MARS1: variants seen among roughly 807,000 people sequenced by gnomAD.
MARS1 encodes the protein methionine--tRNA ligase, cytoplasmic.
In MARS1, 80 loss-of-function variants were observed where a neutral mutation model predicts 119.5. That is an observed-to-expected ratio of 0.67 (90% CI 0.56 to 0.81). The LOEUF is 0.81. MARS1 is among the 30% of genes least tolerant of loss of function. The pLI is 0.00. For missense variants in MARS1, 945 were observed against 1,116.5 expected (o/e 0.85, Z 2.19); for synonymous variants, 418 against 433.4 (o/e 0.96, Z 0.44).
chr12:57,488,147 C>T lies in MARS1; in HGVS notation c.57C>T (p.Ala19=), dbSNP rs1565635669. The T allele has an allele frequency of 1.2e-6, 2 of 1,614,106 alleles. No individual in the cohort carries two copies. Among genetic ancestry groups the T allele is most frequent in the East Asian group, 2.2e-5 (1 of 44,880 alleles). ...GTTGCTTGCCGGTGCTGGCCGCCGCCGGGAGAGCCCGGGGCAGAGCAGAGG... is the reference window on the plus strand; with the variant it reads ...GTTGCTTGCCGGTGCTGGCCGCCGCTGGGAGAGCCCGGGGCAGAGCAGAGG... ...VPGCLPVLAA[A]GRARGRAEVL... The change falls in exon 1 of 21, where the codon GCC becomes GCT. Residue 19 remains alanine (A), a synonymous_variant. Transcript: ENST00000262027.
In MARS1 at chr12:57,512,818, C is replaced by G. The variant is rs1321389201; in HGVS notation, c.1821C>G (p.Ala607=). 8 of 1,614,060 alleles carry G rather than the reference C, an allele frequency of 5.0e-6. No individual in the cohort carries two copies. The South Asian group carries it at 7.7e-5, about 16-fold the overall frequency. ...GTGTGGGAGTGTTTGGGGACATGGCCCAGGACACGGGGATCCCTGCTGACA... is the reference window on the plus strand; with the variant it reads ...GTGTGGGAGTGTTTGGGGACATGGCGCAGGACACGGGGATCCCTGCTGACA... The part of the protein sequence containing the change: ...SRGVGVFGDM[A]QDTGIPADIW... Residue 607 remains alanine, a synonymous_variant, in exon 15 of 21, where the codon GCC becomes GCG. Transcript: ENST00000262027.
intron 7 of MARS1, among the ~76,000 whole-genome samples, chr12:57,496,990 TA>T (rs895801346): frequency 1.1e-4 from 16 of 152,272 alleles, no homozygotes; most frequent in Non-Finnish European, 2.1e-4. Flanking sequence ...TAATAGAATG[TA>T]ATACCCTTGG....
At position 57,499,678 on chromosome 12, in the gene MARS1, A is replaced by C. The variant is rs183552911; in HGVS notation, c.1092-643A>C. 4.1e-4 allele frequency among the ~76,000 whole-genome samples: 62 copies of C among 151,852 alleles called. 1 individual carries two copies. Among genetic ancestry groups the C allele is most frequent in the African/African-American group, 1.4e-3 (59 of 41,410 alleles). ...CACTTTGAGAGGCCGAGGTGGGTGG[A>C]TCACGAGGTCAGGAGTTCAAGACCA... is the stretch of plus-strand genomic sequence containing the variant. On this transcript the variant is annotated intron_variant, in intron 9 of 20. Transcript: ENST00000262027.
intron 10 of MARS1, among the ~76,000 whole-genome samples, chr12:57,502,269 C>T (rs556768126): frequency 6.6e-6 from 1 of 152,154 alleles, no homozygotes; most frequent in South Asian, 2.1e-4. Flanking sequence ...GGGATGCAGC[C>T]ATACTGTTTG....
chr12:57,515,742 A>T (rs1385489427), intron 18 of MARS1, among the ~76,000 whole-genome samples, 178 bp from the exon 19 acceptor site: 1 of 152,206 alleles, frequency 6.6e-6, no homozygotes, highest in African/African-American at 2.4e-5. Flanking sequence ...CCTACAAATT[A>T]TTTGGGGTTT....
rs375026310 is a variant in MARS1, at chr12:57,489,567, G to C, written c.414+9G>C. 121 of 1,614,044 alleles carry C rather than the reference G, an allele frequency of 7.5e-5. 1 individual carries two copies. The Middle Eastern group carries it at 1.2e-3, about 16-fold the overall frequency. On this transcript the variant is annotated intron_variant, in intron 4 of 20. Coordinates refer to ENST00000262027, the MANE Select transcript of MARS1 (RefSeq NM_004990.4). ...GTCCTTTCCTGGCTGGGGTGAGTTG[G>C]GTCTTGAGATGAGGACTGGGGAAGG...
intron 7 of MARS1, among the ~76,000 whole-genome samples, chr12:57,492,926 G>A (rs890678205): frequency 6.6e-5 from 10 of 152,144 alleles, no homozygotes; most frequent in South Asian, 4.2e-4. Context: ...AGAGGCAGGT[G>A]GGGCTGGCAT....
At chr12:57,507,916 C>T (rs928035136) in intron 11 of MARS1, among the ~76,000 whole-genome samples, 8 of 150,146 alleles carry the variant, frequency 5.3e-5, no homozygotes, top group Admixed American at 6.6e-5. Flanking sequence ...GGGCGGCTGC[C>T]GGGCGGAGGG....
At position 57,512,114 on chromosome 12, in the gene MARS1, C is replaced by A. The variant is rs758827704; in HGVS notation, c.1635+11C>A. The A allele has an allele frequency of 7.4e-6, 12 of 1,613,614 alleles. No individual in the cohort carries two copies. In the South Asian group the frequency reaches 1.2e-4, roughly 16 times the overall value. ...AAGAACCCAGAGCAAGTGAGCAGTTCTTGGTTAGGCTGTGCATGGGGAGGG... is the reference window on the plus strand; with the variant it reads ...AAGAACCCAGAGCAAGTGAGCAGTTATTGGTTAGGCTGTGCATGGGGAGGG... On this transcript the variant is annotated intron_variant, in intron 13 of 20. Transcript: ENST00000262027.
chr12:57,493,738 A>AT (rs1250870194), intron 7 of MARS1, among the ~76,000 whole-genome samples: 1 of 4,810 alleles, frequency 2.1e-4, no homozygotes, highest in Non-Finnish European at 3.3e-4. Context: ...ATTATATAAT[A>AT]TATATTATAT....
intron 11 of MARS1, among the ~76,000 whole-genome samples, chr12:57,508,240 C>T (rs529847312): frequency 6.6e-6 from 1 of 152,380 alleles, no homozygotes; most frequent in African/African-American, 2.4e-5. Flanking sequence ...AGAGATGCTC[C>T]TCACTTCCCA....
chr12:57,498,507 G>A lies in MARS1; in HGVS notation c.975G>A (p.Glu325=). ...CAACAGAGACCAAGGCTCTGGAGGAGGGACTAACCCCCCAGGAGATCTGCG... is the reference window on the plus strand; with the variant it reads ...CAACAGAGACCAAGGCTCTGGAGGAAGGACTAACCCCCCAGGAGATCTGCG... ...GTATETKALE[E]GLTPQEICDK... The change falls in exon 9 of 21, where the codon GAG becomes GAA. Residue 325 remains glutamate, a synonymous_variant. Coordinates refer to ENST00000262027, the MANE Select transcript of MARS1 (RefSeq NM_004990.4). 1 of 1,614,204 alleles carries A rather than the reference G, an allele frequency of 6.2e-7. No homozygotes were observed. The highest frequency in any genetic ancestry group is 8.5e-7 in the Non-Finnish European group (1 of 1,180,032).
At position 57,493,869 on chromosome 12, in the gene MARS1, AAT is replaced by A. The variant is rs1269568080; in HGVS notation, c.770+3233_770+3234del. ...TATAATATATATATTTATATTATAT[AAT>A]ATATATAATATATAATATATATTTA... On this transcript the variant is annotated intron_variant, in intron 7 of 20. Coordinates refer to ENST00000262027, the MANE Select transcript of MARS1 (RefSeq NM_004990.4). Among the ~76,000 whole-genome samples the A allele has an allele frequency of 0.03, 158 of 5,198 alleles. 7 individuals are homozygous for A. The South Asian group carries it at 0.46, about 15-fold the overall frequency. The allele number at this position is 5,198 out of a possible 152,430, so 3.4% of individuals were successfully genotyped here.
At chr12:57,504,641 TC>T (rs1280403339) in intron 11 of MARS1, among the ~76,000 whole-genome samples, 2 of 150,602 alleles carry the variant, frequency 1.3e-5, no homozygotes, top group African/African-American at 2.4e-5. Flanking sequence ...AGCCTTGATA[TC>T]CTAGGACCAA....
chr12:57,492,694 C>T (rs973475753), intron 7 of MARS1, among the ~76,000 whole-genome samples: 3 of 104,390 alleles, frequency 2.9e-5, no homozygotes, highest in African/African-American at 4.0e-5. Context: ...CACACACACA[C>T]ACACACACAC....
rs1875859281 is a variant in MARS1, at chr12:57,490,558, A to G, written c.684A>G (p.Leu228=). ...TATAGGAGGAGGAGCTGGCTACCCT[A>G]TCTGAGGAGGAGATTGCTATGGCTG... is the stretch of plus-strand genomic sequence containing the variant. ...NEPEEEELAT[L]SEEEIAMAVT... is the part of the protein sequence containing the mutation. Residue 228 remains leucine, a synonymous_variant, in exon 7 of 21, where the codon CTA becomes CTG. Transcript: ENST00000262027. The G allele has an allele frequency of 1.9e-6, 3 of 1,614,084 alleles. No individual in the cohort carries two copies. Among genetic ancestry groups the G allele is most frequent in the Non-Finnish European group, 2.5e-6 (3 of 1,180,022 alleles).
chr12:57,489,607 A>C, intron 4 of MARS1, 49 bp downstream of exon 4: 1 of 1,610,626 alleles, frequency 6.2e-7, no homozygotes, highest in Non-Finnish European at 8.5e-7. Flanking sequence ...TGGTGTAAGG[A>C]TTAAGAGGGA....
chr12:57,488,634 G>T, intron 1 of MARS1: 1 of 1,550,958 alleles, frequency 6.4e-7, no homozygotes, highest in Non-Finnish European at 8.7e-7. Flanking sequence ...TCAGCCGATT[G>T]TTTGGGTGAC....
chr12:57,488,255 A>G (rs1875607448), intron 1 of MARS1, 56 bp downstream of exon 1: 8 of 1,516,958 alleles, frequency 5.3e-6, no homozygotes, highest in Admixed American at 1.7e-5. Context: ...GAAACACGCC[A>G]GATTCTCTGC....
Sources: gnomAD v4.1 joint callset for allele counts (sites outside exome capture counted in the v4.1 genomes callset) on GRCh38, gnomAD v4.1.1 for gene constraint, MANE v1.5 for transcripts, NCBI Gene and HGNC (gene_info 2026-07-23, HGNC 2026-07-21) for gene names.